The following TMEM117 variants were observed in gnomAD, a reference collection of about 807,000 sequenced individuals.
The protein encoded by TMEM117 is transmembrane protein 117.
TMEM117 carries 27 observed loss-of-function variants against 52.4 expected under a neutral mutation model. That is an observed-to-expected ratio of 0.51 (90% CI 0.38 to 0.71). The LOEUF (loss-of-function observed/expected upper bound fraction) is 0.71. TMEM117 is among the 30% of genes least tolerant of loss of function. The pLI is 0.00. For synonymous variants in TMEM117, 215 were observed against 206.3 expected (o/e 1.04, Z -0.36); for missense variants, 556 against 630.5 (o/e 0.88, Z 1.26).
At chr12:44,051,245 T>C (rs1023036545) in intron 3 of TMEM117, among the ~76,000 whole-genome samples, 1 of 152,126 alleles carries the variant, frequency 6.6e-6, no homozygotes, top group African/African-American at 2.4e-5. Flanking sequence ...ATGTTTGACA[T>C]GTTGTAAACC....
intron 2 of TMEM117, among the ~76,000 whole-genome samples, chr12:43,845,160 T>A (rs1943180667): frequency 6.6e-6 from 1 of 151,524 alleles, no homozygotes; most frequent in Non-Finnish European, 1.5e-5. Flanking sequence ...CCAAACTTCA[T>A]TAAAAAAAAA....
chr12:44,376,648 G>T lies in TMEM117; in HGVS notation c.822G>T (p.Leu274Phe), dbSNP rs572515129. ...ATGTTGATGTAAATCTCCCTGGTTT[G>T]CACACCCCTCACATGCAGTTCAAGA... ...MGDVDVNLPG[L>F]HTPHMQFKIP... Residue 274 changes from leucine to phenylalanine, a missense_variant, in exon 7 of 8, where the codon TTG becomes TTT. Physicochemically the swap from Leu to Phe is conservative, Grantham distance 22 (BLOSUM62 0). This residue lies in a region of TMEM117 where 328 missense variants were observed against 371.4 expected (regional missense o/e 0.88). Coordinates refer to ENST00000266534, the MANE Select transcript of TMEM117 (RefSeq NM_032256.3). 6.2e-7 allele frequency: 1 copy of T among 1,612,074 alleles called. No homozygotes were observed. Among genetic ancestry groups the T allele is most frequent in the African/African-American group, 1.3e-5 (1 of 74,962 alleles).
intron 5 of TMEM117, among the ~76,000 whole-genome samples, chr12:44,283,686 T>A (rs1451342589): frequency 3.9e-5 from 6 of 152,118 alleles, no homozygotes; most frequent in Admixed American, 1.3e-4. Flanking sequence ...CTTTAGACTG[T>A]GGACTTTTGG....
intron 2 of TMEM117, among the ~76,000 whole-genome samples, chr12:43,924,600 A>G (rs1944748533): frequency 6.6e-6 from 1 of 152,142 alleles, no homozygotes; most frequent in Non-Finnish European, 1.5e-5. Flanking sequence ...ATAATGTAAA[A>G]TACATATTTA....
chr12:44,323,580 GGT>G (rs1157725378), intron 6 of TMEM117, among the ~76,000 whole-genome samples: 1 of 151,916 alleles, frequency 6.6e-6, no homozygotes, highest in Non-Finnish European at 1.5e-5. Flanking sequence ...TTTTGCTGTT[GGT>G]ACCTGCTAAA....
At chr12:43,991,859 G>T (rs947143917) in intron 3 of TMEM117, among the ~76,000 whole-genome samples, 1 of 152,126 alleles carries the variant, frequency 6.6e-6, no homozygotes, top group Admixed American at 6.6e-5. Flanking sequence ...TCCGTTTCCA[G>T]TCTCAGCCTT....
At chr12:44,044,128 A>C (rs563169909) in intron 3 of TMEM117, among the ~76,000 whole-genome samples, 27 of 152,284 alleles carry the variant, frequency 1.8e-4, no homozygotes, top group African/African-American at 6.5e-4. Context: ...GGTCCAGAAG[A>C]TATACTGTTG....
intron 4 of TMEM117, among the ~76,000 whole-genome samples, chr12:44,151,755 G>C (rs1248169258): frequency 6.8e-6 from 1 of 147,674 alleles, no homozygotes; most frequent in African/African-American, 2.5e-5. Flanking sequence ...GAGTTGGATG[G>C]CTCCCTTAAC....
intron 6 of TMEM117, among the ~76,000 whole-genome samples, chr12:44,320,652 G>T (rs530817771): frequency 2.6e-5 from 4 of 152,192 alleles, no homozygotes; most frequent in Non-Finnish European, 5.9e-5. Context: ...CATCTCCCCA[G>T]TGTGCGTGCT....
At chr12:43,816,702 G>A in the TMEM117 span, among the ~76,000 whole-genome samples, 1 of 152,172 alleles carries the variant, frequency 6.6e-6, no homozygotes, top group African/African-American at 2.4e-5. Context: ...TTTGATTCAA[G>A]CAGAATCCTC....
chr12:44,342,069 A>T (rs1951425096), intron 6 of TMEM117, among the ~76,000 whole-genome samples: 1 of 152,026 alleles, frequency 6.6e-6, no homozygotes, highest in Non-Finnish European at 1.5e-5. Context: ...ACAAAAAAAA[A>T]GTTCCATATA....
chr12:44,128,188 C>G (rs540278551), intron 3 of TMEM117, among the ~76,000 whole-genome samples: 1 of 152,288 alleles, frequency 6.6e-6, no homozygotes, highest in Non-Finnish European at 1.5e-5. Flanking sequence ...CCTGAGCTGC[C>G]CTCTCCGCTC....
intron 2 of TMEM117, among the ~76,000 whole-genome samples, chr12:43,921,368 G>A (rs10880592): frequency 0.17 from 26,144 of 151,884 alleles, 3,414 homozygotes; most frequent in African/African-American, 0.36. Flanking sequence ...CATTTTTTTA[G>A]TTAGTATCTG....
chr12:44,282,028 C>G (rs1329614867), intron 5 of TMEM117, among the ~76,000 whole-genome samples: 1 of 152,100 alleles, frequency 6.6e-6, no homozygotes, highest in Admixed American at 6.6e-5. Context: ...TGGTCTTTCC[C>G]TTGCTATTCT....
chr12:44,326,681 A>C lies in TMEM117; in HGVS notation c.768+26942A>C, dbSNP rs1411831003. Among the ~76,000 whole-genome samples the C allele has an allele frequency of 2.6e-5, 4 of 152,108 alleles. No homozygotes were observed. The East Asian group carries it at 7.7e-4, about 29-fold the overall frequency. On this transcript the variant is annotated intron_variant, in intron 6 of 7. Coordinates refer to ENST00000266534, the MANE Select transcript of TMEM117 (RefSeq NM_032256.3). The stretch of plus-strand genomic sequence containing the variant: ...TTTATAAAACAGCTCTGATCATATC[A>C]CTCCCCTATTTGGAAAACTTCTGTG...
chr12:43,882,695 T>A (rs1468593750), intron 2 of TMEM117, among the ~76,000 whole-genome samples: 1 of 152,146 alleles, frequency 6.6e-6, no homozygotes, highest in Non-Finnish European at 1.5e-5. Context: ...TCAATGAGCA[T>A]AAATGTTGTG....
chr12:43,851,984 C>T (rs753949127), intron 2 of TMEM117, among the ~76,000 whole-genome samples: 4 of 152,274 alleles, frequency 2.6e-5, no homozygotes, highest in African/African-American at 4.8e-5. Context: ...TTAAAGCAAA[C>T]GTTCATCAAA....
intron 3 of TMEM117, among the ~76,000 whole-genome samples, chr12:44,031,640 T>G (rs1302464339): frequency 6.6e-6 from 1 of 152,210 alleles, no homozygotes; most frequent in African/African-American, 2.4e-5. Context: ...TTTTCAGAGT[T>G]GAGAAAACTT....
chr12:44,352,468 C>A (rs1256149804), intron 6 of TMEM117, among the ~76,000 whole-genome samples: 1 of 151,996 alleles, frequency 6.6e-6, no homozygotes, highest in Non-Finnish European at 1.5e-5. Context: ...ACAACAGTCC[C>A]CGGAGTGTGA....
Sources: gnomAD v4.1 joint callset for allele counts (sites outside exome capture counted in the v4.1 genomes callset) on GRCh38, gnomAD v4.1.1 for gene constraint, gnomAD v4.1.1 regional missense constraint, MANE v1.5 for transcripts, NCBI Gene and HGNC (gene_info 2026-07-23, HGNC 2026-07-21) for gene names.